KCNU1: variants seen among roughly 807,000 people sequenced by gnomAD.
The protein encoded by KCNU1 is potassium channel subfamily U member 1.
KCNU1 carries 93 observed loss-of-function variants against 126.8 expected under a neutral mutation model. The observed-to-expected ratio is 0.73, with a 90% CI of 0.62 to 0.87. The LOEUF (loss-of-function observed/expected upper bound fraction) is 0.87, where lower values mean the gene tolerates loss of function less well. Ranked by LOEUF, KCNU1 falls within the 40% of genes least tolerant of loss-of-function variation. The pLI is 0.00. For synonymous variants in KCNU1, 523 were observed against 494.2 expected, an observed-to-expected ratio of 1.06 and a Z score of -0.77; for missense variants, 1,330 against 1,367.1, an observed-to-expected ratio of 0.97 and a Z score of 0.43.
chr8:36,851,002 A>G (rs1295457963), intron 18 of KCNU1, among the ~76,000 whole-genome samples: 1 of 152,200 alleles, frequency 6.6e-6, no homozygotes, highest in African/African-American at 2.4e-5. Context: ...TAAGTTTGAC[A>G]CTGGGAACAA....
intron 10 of KCNU1, among the ~76,000 whole-genome samples, chr8:36,831,937 A>G (rs908616547): frequency 1.3e-5 from 2 of 152,182 alleles, no homozygotes; most frequent in Admixed American, 6.5e-5. Context: ...GATTTTTTGT[A>G]TAATGTGTGA....
intron 16 of KCNU1, among the ~76,000 whole-genome samples, chr8:36,842,042 C>T (rs1804977325): frequency 6.6e-6 from 1 of 151,974 alleles, no homozygotes; most frequent in African/African-American, 2.4e-5. Context: ...TGTGTTGGCT[C>T]ATGTGTACTT....
rs558324180 is a variant in KCNU1, at chr8:36,885,656, G to A, written c.2010-20052G>A. On this transcript the variant is annotated intron_variant, in intron 19 of 26. Transcript: ENST00000399881. The stretch of plus-strand genomic sequence containing the variant: ...AAAAATACAAAAATTAACTGGTCAT[G>A]GTGGTGGGCGCTTGTAATCCCAGCT... 2.0e-5 allele frequency among the ~76,000 whole-genome samples: 3 copies of A among 152,240 alleles called. 1 individual carries two copies. The South Asian group carries it at 6.2e-4, about 32-fold the overall frequency.
At chr8:36,934,777 G>T (rs886549642) in intron 26 of KCNU1, among the ~76,000 whole-genome samples, 1 of 151,974 alleles carries the variant, frequency 6.6e-6, no homozygotes, top group Non-Finnish European at 1.5e-5. Context: ...GCCATACAAG[G>T]CTACCCTGCC....
chr8:36,913,834 C>G (rs1429912280), intron 22 of KCNU1, among the ~76,000 whole-genome samples: 1 of 152,030 alleles, frequency 6.6e-6, no homozygotes, highest in Non-Finnish European at 1.5e-5. Context: ...ATCTCCTGAC[C>G]TTGTGATCCG....
intron 20 of KCNU1, among the ~76,000 whole-genome samples, chr8:36,906,886 G>A (rs1032033369): frequency 2.6e-5 from 4 of 152,078 alleles, no homozygotes; most frequent in Non-Finnish European, 4.4e-5. Flanking sequence ...ATAAACATCC[G>A]TTGAGCAGGA....
At chr8:36,902,085 G>T (rs1807442006) in intron 19 of KCNU1, among the ~76,000 whole-genome samples, 1 of 152,146 alleles carries the variant, frequency 6.6e-6, no homozygotes, top group Admixed American at 6.6e-5. Context: ...TTAGTTAAGG[G>T]ATGGTGATGT....
chr8:36,787,484 T>A, intron 2 of KCNU1, 59 bp downstream of exon 2: 1 of 1,491,144 alleles, frequency 6.7e-7, no homozygotes, highest in Non-Finnish European at 9.0e-7. Flanking sequence ...GTGATTATAG[T>A]CAGCACAAAT....
Position 36,927,436 on chromosome 8 carries a change from C to G in KCNU1, c.2737-3515C>G, listed in dbSNP as rs571348424. On this transcript the variant is annotated intron_variant, in intron 24 of 26. Coordinates refer to ENST00000399881, the MANE Select transcript of KCNU1 (RefSeq NM_001031836.3). ...GGCAGCCAGGCCCATATGCAGGGTT[C>G]CTATCTGGTTCTGCAACAAAAGACT... is the stretch of plus-strand genomic sequence containing the variant. 2.0e-5 allele frequency among the ~76,000 whole-genome samples: 3 copies of G among 152,214 alleles called. No individual in the cohort carries two copies. The South Asian group carries it at 6.2e-4, about 32-fold the overall frequency.
chr8:36,826,366 C>G (rs545255067), intron 10 of KCNU1, among the ~76,000 whole-genome samples: 1 of 151,930 alleles, frequency 6.6e-6, no homozygotes, highest in Non-Finnish European at 1.5e-5. Flanking sequence ...CCCACCACCA[C>G]GCCTGGCTAA....
At chr8:36,889,283 G>A (rs372500231) in intron 19 of KCNU1, 9 of 530,078 alleles carry the variant, frequency 1.7e-5, no homozygotes, top group African/African-American at 1.4e-4. Context: ...ATTTTTTAAG[G>A]AATGGTTTAG....
rs761098678 is a variant in KCNU1 at position 36,784,618 on chromosome 8, G to T, written c.195+13G>T. On this transcript the variant is annotated intron_variant, in intron 1 of 26. Coordinates refer to ENST00000399881, the MANE Select transcript of KCNU1 (RefSeq NM_001031836.3). ...AGGAATTATCTTGGTCAGTTTCCTT[G>T]TTAGGGATCCCTCTGTGTGAAGTCA... 2 of 1,594,256 alleles carry T rather than the reference G, an allele frequency of 1.3e-6. No individual in the cohort carries two copies.
At chr8:36,785,699 C>T (rs1802688869) in intron 1 of KCNU1, among the ~76,000 whole-genome samples, 2 of 152,084 alleles carry the variant, frequency 1.3e-5, no homozygotes, top group Admixed American at 1.3e-4. Flanking sequence ...ATGGATCTGC[C>T]TCCTTGTTTC....
At chr8:36,792,363 T>C (rs918579988) in intron 2 of KCNU1, among the ~76,000 whole-genome samples, 1 of 152,170 alleles carries the variant, frequency 6.6e-6, no homozygotes, top group Non-Finnish European at 1.5e-5. Flanking sequence ...TGGAGAGTAA[T>C]AAAGTGTATG....
At position 36,919,505 on chromosome 8, in the gene KCNU1, C is replaced by T. The variant is rs924049002; in HGVS notation, c.2596+608C>T. On this transcript the variant is annotated intron_variant, in intron 23 of 26. Transcript: ENST00000399881. Reference sequence around the variant, plus strand: ...GTCACCAACACCTGTACAAAACTTCCCTAGGCACGAGGAGCTGTGGGAACA... The same window carrying T: ...GTCACCAACACCTGTACAAAACTTCTCTAGGCACGAGGAGCTGTGGGAACA... Among the ~76,000 whole-genome samples the T allele has an allele frequency of 5.9e-5, 9 of 151,396 alleles. No homozygotes were observed. The East Asian group carries it at 1.8e-3, about 29-fold the overall frequency.
chr8:36,864,634 G>T (rs372085292), intron 19 of KCNU1, 113 bp downstream of exon 19: 11 of 662,124 alleles, frequency 1.7e-5, no homozygotes, highest in East Asian at 5.3e-5. Context: ...CTGACCAATG[G>T]AATTGTTCCT....
At chr8:36,860,450 G>T (rs775740302) in intron 18 of KCNU1, among the ~76,000 whole-genome samples, 2 of 152,094 alleles carry the variant, frequency 1.3e-5, no homozygotes, top group African/African-American at 2.4e-5. Context: ...AGGAATAATT[G>T]TCTTTCTGAC....
intron 24 of KCNU1, among the ~76,000 whole-genome samples, chr8:36,924,046 T>G (rs758950932): frequency 6.6e-6 from 1 of 152,208 alleles, no homozygotes; most frequent in Non-Finnish European, 1.5e-5. Flanking sequence ...TAAACCAAGA[T>G]GAGCTTTGAA....
At chr8:36,814,436 A>T (rs1253476852) in intron 8 of KCNU1, 59 bp downstream of exon 8, 13 of 1,173,178 alleles carry the variant, frequency 1.1e-5, no homozygotes, top group Non-Finnish European at 1.6e-5. Flanking sequence ...ATATTTGGTT[A>T]ATGGTAATCA....
Sources: allele counts gnomAD v4.1 joint callset (sites outside exome capture counted in the v4.1 genomes callset), GRCh38; gene constraint gnomAD v4.1.1; transcripts MANE v1.5; gene names NCBI Gene and HGNC (gene_info 2026-07-23, HGNC 2026-07-21).